Variants in PTPRN2 observed in about 807,000 individuals in gnomAD.
The protein encoded by PTPRN2 is receptor-type tyrosine-protein phosphatase N2.
In PTPRN2, 74 loss-of-function variants were observed where a neutral mutation model predicts 118.8. The observed-to-expected ratio is 0.62, with a 90% confidence interval of 0.52 to 0.76. The LOEUF is 0.76. Ranked by LOEUF, PTPRN2 falls within the 30% of genes least tolerant of loss-of-function variation. The pLI, the probability that PTPRN2 is intolerant of heterozygous loss-of-function variation, is 0.00. For missense variants in PTPRN2, 1,481 were observed against 1,394.4 expected (o/e 1.06, Z -0.99); for synonymous variants, 641 against 608.0 (o/e 1.05, Z -0.80).
intron 11 of PTPRN2, among the ~76,000 whole-genome samples, chr7:157,973,819 C>T (rs565313205): frequency 3.0e-4 from 45 of 152,268 alleles, no homozygotes; most frequent in South Asian, 1.7e-3. Flanking sequence ...GAAGACCACG[C>T]GGCATGGAAA....
rs1416306502 is a variant in PTPRN2, at chr7:157,690,962, G to C, written c.1789-8025C>G. 6.9e-6 allele frequency among the ~76,000 whole-genome samples: 1 copy of C among 145,362 alleles called. No homozygotes were observed. The highest frequency in any genetic ancestry group is 1.5e-5 in the Non-Finnish European group (1 of 65,562). On this transcript the variant is annotated intron_variant, in intron 12 of 22. Coordinates refer to ENST00000389418, the MANE Select transcript of PTPRN2 (RefSeq NM_002847.5). The surrounding 1 kb of genome is among the most constrained non-coding windows in gnomAD (Gnocchi z 7.1). ...GGTAGGGCCGCCGGCCGCGCGCGTA[G>C]CACCAACCAGCGCGGCCGCCGCGCC...
At chr7:158,270,464 CAG>C (rs1045042441) in intron 3 of PTPRN2, among the ~76,000 whole-genome samples, 1 of 152,120 alleles carries the variant, frequency 6.6e-6, no homozygotes, top group Non-Finnish European at 1.5e-5. Context: ...CTACCGGAGA[CAG>C]ATGAGCCTCA....
In PTPRN2 at chr7:157,615,473, C is replaced by G; in HGVS notation, c.2344+5889G>C. 1 of 471,234 alleles carries G rather than the reference C, an allele frequency of 2.1e-6. No individual in the cohort carries two copies. The highest frequency in any genetic ancestry group is 4.4e-6 in the Non-Finnish European group (1 of 227,070). 29.2% of individuals were successfully genotyped at this position (471,234 alleles called of 1,614,324 possible). Reference sequence around the variant, plus strand: ...AGCCCCGAGCCTCACGTGGAAACATCTGATGAGCCTTTGCCAATATGCTCG... The same window carrying G: ...AGCCCCGAGCCTCACGTGGAAACATGTGATGAGCCTTTGCCAATATGCTCG... On this transcript the variant is annotated intron_variant, in intron 15 of 22. Transcript: ENST00000389418. The surrounding 1 kb of genome is among the most constrained non-coding windows in gnomAD (Gnocchi z 4.3).
At chr7:157,761,607 G>C (rs1802133211) in intron 12 of PTPRN2, among the ~76,000 whole-genome samples, 1 of 147,972 alleles carries the variant, frequency 6.8e-6, no homozygotes, top group African/African-American at 2.5e-5. Flanking sequence ...ATTCAAGATG[G>C]ATTAAAGACT....
At chr7:158,372,420 A>ACGCTGGTCCC (rs1563213370) in intron 2 of PTPRN2, among the ~76,000 whole-genome samples, 1 of 134,800 alleles carries the variant, frequency 7.4e-6, no homozygotes, top group African/African-American at 2.9e-5. Context: ...GGTCCCCCCA[A>ACGCTGGTCCC]CACTGGTCCC....
chr7:157,792,368 A>G (rs975849903), intron 12 of PTPRN2, among the ~76,000 whole-genome samples: 16 of 152,090 alleles, frequency 1.1e-4, no homozygotes, highest in Non-Finnish European at 1.9e-4. Flanking sequence ...CCCCGGGGCC[A>G]CCTCTCCTGG....
intron 2 of PTPRN2, among the ~76,000 whole-genome samples, chr7:158,470,913 A>C (rs771568411): frequency 1.1e-4 from 17 of 151,852 alleles, no homozygotes; most frequent in Non-Finnish European, 1.9e-4. Context: ...AGCTCACTGC[A>C]AACTCTGCCT....
intron 2 of PTPRN2, among the ~76,000 whole-genome samples, chr7:158,420,990 G>A (rs1028053801): frequency 2.0e-5 from 3 of 152,094 alleles, no homozygotes; most frequent in Non-Finnish European, 4.4e-5. Flanking sequence ...ATTCTTGATC[G>A]GACCCATAAC....
intron 19 of PTPRN2, among the ~76,000 whole-genome samples, 193 bp downstream of exon 19, chr7:157,576,420 C>G (rs1383218284): frequency 2.0e-5 from 3 of 152,230 alleles, no homozygotes; most frequent in Non-Finnish European, 4.4e-5. Flanking sequence ...ACCTCTGAAG[C>G]TAGAAAATCG....
chr7:158,139,122 C>T (rs1218316527), intron 6 of PTPRN2, among the ~76,000 whole-genome samples: 1 of 152,128 alleles, frequency 6.6e-6, no homozygotes, highest in East Asian at 1.9e-4. Context: ...GCCCCCACTT[C>T]ACACAAGCAG....
intron 1 of PTPRN2, among the ~76,000 whole-genome samples, chr7:158,499,628 G>T (rs1275588634): frequency 6.6e-6 from 1 of 152,028 alleles, no homozygotes; most frequent in South Asian, 2.1e-4. Flanking sequence ...AAAATTAGCT[G>T]GGCATGGTGG....
intron 11 of PTPRN2, among the ~76,000 whole-genome samples, chr7:157,920,168 G>C (rs930258636): frequency 6.6e-6 from 1 of 152,060 alleles, no homozygotes; most frequent in Non-Finnish European, 1.5e-5. Flanking sequence ...TAAGAATTTG[G>C]AACTCCAAGA....
intron 3 of PTPRN2, among the ~76,000 whole-genome samples, chr7:158,266,883 C>T (rs911864741): frequency 2.0e-5 from 3 of 152,220 alleles, no homozygotes; most frequent in Admixed American, 1.3e-4. Flanking sequence ...GTGGCCCTGG[C>T]TGGTGGTTCA....
At chr7:157,710,557 A>T (rs776223693) in intron 12 of PTPRN2, among the ~76,000 whole-genome samples, 1 of 149,892 alleles carries the variant, frequency 6.7e-6, no homozygotes, top group Admixed American at 6.6e-5. Context: ...CTGCAGAAGA[A>T]CCCTGTGCAG....
intron 13 of PTPRN2, among the ~76,000 whole-genome samples, chr7:157,658,197 G>A (rs1360897667): frequency 1.3e-5 from 2 of 152,132 alleles, no homozygotes; most frequent in African/African-American, 2.4e-5. Flanking sequence ...GGCCGGGGGC[G>A]GTTTGCACTG....
At chr7:158,245,037 C>T (rs1352518431) in intron 3 of PTPRN2, among the ~76,000 whole-genome samples, 3 of 152,092 alleles carry the variant, frequency 2.0e-5, no homozygotes, top group Admixed American at 6.6e-5. Context: ...AGGATGGCCT[C>T]GTGAGGCGGC....
At chr7:158,331,389 C>A (rs1185421673) in intron 2 of PTPRN2, among the ~76,000 whole-genome samples, 3 of 143,014 alleles carry the variant, frequency 2.1e-5, no homozygotes, top group African/African-American at 8.5e-5. Context: ...TCACTCACAC[C>A]CACACTCTCA....
intron 10 of PTPRN2, among the ~76,000 whole-genome samples, chr7:158,086,643 A>G (rs1813437868): frequency 6.6e-6 from 1 of 152,220 alleles, no homozygotes; most frequent in Admixed American, 6.5e-5. Flanking sequence ...TCAATAGACC[A>G]TAAAGAGGAG....
chr7:158,214,301 G>C (rs1827813746), intron 3 of PTPRN2, among the ~76,000 whole-genome samples: 1 of 151,940 alleles, frequency 6.6e-6, no homozygotes, highest in African/African-American at 2.4e-5. Flanking sequence ...AGGCAGAGCA[G>C]AGAAGGACAT....
Sources: allele counts gnomAD v4.1 joint callset (sites outside exome capture counted in the v4.1 genomes callset), GRCh38; gene constraint gnomAD v4.1.1; non-coding constraint Gnocchi (gnomAD v3.1); transcripts MANE v1.5; gene names NCBI Gene and HGNC (gene_info 2026-07-23, HGNC 2026-07-21).